The following LHFPL4 variants were observed in gnomAD, a reference collection of about 807,000 sequenced individuals.
The protein encoded by LHFPL4 is LHFPL tetraspan subfamily member 4, also known as LHFPL tetraspan subfamily member 4 protein.
A neutral mutation model predicts 20.0 loss-of-function variants in LHFPL4; 6 were observed. That is an observed-to-expected ratio of 0.30 (90% CI 0.16 to 0.59). LHFPL4 has a LOEUF of 0.59. Ranked by LOEUF, LHFPL4 falls within the 20% of genes least tolerant of loss-of-function variation. The pLI is 0.88. For missense variants in LHFPL4, 215 were observed against 331.2 expected (o/e 0.65, Z 2.72); for synonymous variants, 129 against 143.8 (o/e 0.90, Z 0.74).
chr3:9,518,925 G>GTTTA lies in LHFPL4; in HGVS notation c.407-12726_407-12723dup, dbSNP rs111239616. Among the ~76,000 whole-genome samples, 358 of 145,144 alleles carry GTTTA rather than the reference G, an allele frequency of 2.5e-3. 2 individuals are homozygous for GTTTA. The highest frequency in any genetic ancestry group is 6.4e-3 in the African/African-American group (254 of 39,646). ...TGCACCACCACATTGGCTAATTTTT[G>GTTTA]TTTATTTATTTATTTATTTATTTAT... On this transcript the variant is annotated intron_variant, in intron 2 of 3. Transcript: ENST00000287585.
At chr3:9,505,946 C>G (rs780741788) in intron 3 of LHFPL4, 21 bp downstream of exon 3, 2 of 1,609,540 alleles carry the variant, frequency 1.2e-6, no homozygotes, top group South Asian at 1.1e-5. Flanking sequence ...GCCGCTGCCC[C>G]CCAGCCCACA....
intron 2 of LHFPL4, among the ~76,000 whole-genome samples, chr3:9,540,089 C>T (rs2046468130): frequency 6.6e-6 from 1 of 152,102 alleles, no homozygotes; most frequent in Non-Finnish European, 1.5e-5. Context: ...CCAGCAATTC[C>T]CCTTCTAGGG....
At chr3:9,541,818 G>A (rs1352179574) in intron 2 of LHFPL4, among the ~76,000 whole-genome samples, 1 of 151,976 alleles carries the variant, frequency 6.6e-6, no homozygotes, top group Non-Finnish European at 1.5e-5. Context: ...GAGCCAAAAC[G>A]ACAAAACCTT....
chr3:9,552,681 G>A lies in LHFPL4; in HGVS notation c.-2C>T. On this transcript the variant is annotated 5_prime_UTR_variant, in exon 2 of 4. Coordinates refer to ENST00000287585, the MANE Select transcript of LHFPL4 (RefSeq NM_198560.3). The stretch of plus-strand genomic sequence containing the variant: ...GGAGGCCTCCTGCGAGGGCAGCATG[G>A]TGCCCGGAGGCGGGGCCGGCGGCGG... 1 of 1,418,134 alleles carries A rather than the reference G, an allele frequency of 7.1e-7. No homozygotes were observed. The highest frequency in any genetic ancestry group is 9.3e-7 in the Non-Finnish European group (1 of 1,077,878). 87.8% of individuals were successfully genotyped at this position (1,418,134 alleles called of 1,614,324 possible).
intron 2 of LHFPL4, among the ~76,000 whole-genome samples, chr3:9,513,062 C>T (rs560448941): frequency 5.9e-5 from 9 of 152,154 alleles, no homozygotes; most frequent in Admixed American, 2.0e-4. Flanking sequence ...TGGATTCACG[C>T]CATTCTCCTG....
At chr3:9,515,720 CT>C (rs373869436) in intron 2 of LHFPL4, among the ~76,000 whole-genome samples, 23,035 of 142,962 alleles carry the variant, frequency 0.16, 1,744 homozygotes, top group Non-Finnish European at 0.18. Context: ...TCAGATATGT[CT>C]TTTTTTTTTT....
At chr3:9,533,490 A>G (rs1218778536) in intron 2 of LHFPL4, among the ~76,000 whole-genome samples, 1 of 152,158 alleles carries the variant, frequency 6.6e-6, no homozygotes, top group Non-Finnish European at 1.5e-5. Context: ...AGTCTATAGG[A>G]TTAAAAGTCA....
chr3:9,516,675 T>A (rs1339944729), intron 2 of LHFPL4, among the ~76,000 whole-genome samples: 1 of 152,048 alleles, frequency 6.6e-6, no homozygotes, highest in Admixed American at 6.6e-5. Flanking sequence ...GGTTTCACCA[T>A]GTTGGCTAGG....
Position 9,552,790 on chromosome 3 carries a change from G to T in LHFPL4, c.-111C>A. The stretch of plus-strand genomic sequence containing the variant: ...GGGGACGCACGCGAGAAGCGGCCCT[G>T]AGTCAAGGAACCCGCGAGGGCGGGG... On this transcript the variant is annotated 5_prime_UTR_variant, in exon 2 of 4. Coordinates refer to ENST00000287585, the MANE Select transcript of LHFPL4 (RefSeq NM_198560.3). 1 of 571,896 alleles carries T rather than the reference G, an allele frequency of 1.7e-6. No homozygotes were observed. The highest frequency in any genetic ancestry group is 2.3e-6 in the Non-Finnish European group (1 of 439,070). 35.4% of individuals were successfully genotyped at this position (571,896 alleles called of 1,614,324 possible). A position where few individuals can be genotyped will look rare whatever the true frequency, so the allele number is the denominator to read the frequency against.
At chr3:9,520,929 T>C (rs1264181082) in intron 2 of LHFPL4, among the ~76,000 whole-genome samples, 2 of 152,110 alleles carry the variant, frequency 1.3e-5, no homozygotes, top group African/African-American at 2.4e-5. Flanking sequence ...TGCATTTAAT[T>C]AATGGTGGTG....
At chr3:9,528,629 T>G (rs2046389662) in intron 2 of LHFPL4, among the ~76,000 whole-genome samples, 1 of 152,178 alleles carries the variant, frequency 6.6e-6, no homozygotes, top group South Asian at 2.1e-4. Context: ...TTATTATTAT[T>G]TTTTGAGACG....
Position 9,506,255 on chromosome 3 carries a change from G to T in LHFPL4, c.407-52C>A, listed in dbSNP as rs745636944. On this transcript the variant is annotated intron_variant, in intron 2 of 3. Coordinates refer to ENST00000287585, the MANE Select transcript of LHFPL4 (RefSeq NM_198560.3). This position sits in a 1 kb window ranked among gnomAD's most constrained non-coding sequence, Gnocchi z 4.5. Reference sequence around the variant, plus strand: ...ACCACGGTCAGGAAGGAAGAGAAAAGACCATTACTCGCTAGTGTCCGCAGT... The same window carrying T: ...ACCACGGTCAGGAAGGAAGAGAAAATACCATTACTCGCTAGTGTCCGCAGT... 1 of 1,468,212 alleles carries T rather than the reference G, an allele frequency of 6.8e-7. No homozygotes were observed. The highest frequency in any genetic ancestry group is 1.7e-5 in the Admixed American group (1 of 59,626). 90.9% of individuals were successfully genotyped at this position (1,468,212 alleles called of 1,614,324 possible).
chr3:9,504,669 CA>C (rs1442744892), intron 3 of LHFPL4, among the ~76,000 whole-genome samples: 2 of 151,968 alleles, frequency 1.3e-5, no homozygotes, highest in Non-Finnish European at 2.9e-5. Flanking sequence ...ACTAAAAATA[CA>C]AAAACTTAGC....
At chr3:9,503,473 C>G (rs2046193670) in intron 3 of LHFPL4, among the ~76,000 whole-genome samples, 1 of 152,194 alleles carries the variant, frequency 6.6e-6, no homozygotes, top group South Asian at 2.1e-4. Context: ...GAACCTGCCT[C>G]TGAGTACAGG....
At chr3:9,509,977 T>A (rs1325207415) in intron 2 of LHFPL4, among the ~76,000 whole-genome samples, 4 of 152,228 alleles carry the variant, frequency 2.6e-5, no homozygotes, top group Non-Finnish European at 5.9e-5. Flanking sequence ...AAGACCCAGC[T>A]GCTGCTAGGC....
chr3:9,543,729 GTTTTT>G (rs58872967), intron 2 of LHFPL4, among the ~76,000 whole-genome samples: 1 of 119,652 alleles, frequency 8.4e-6, no homozygotes, highest in African/African-American at 3.2e-5. Flanking sequence ...TTTGGTTTTG[GTTTTT>G]TTTTTTTTTT....
intron 3 of LHFPL4, among the ~76,000 whole-genome samples, chr3:9,504,325 C>T (rs957804455): frequency 6.6e-6 from 1 of 151,568 alleles, no homozygotes; most frequent in African/African-American, 2.4e-5. Context: ...CTGCAGTGAG[C>T]CGAGACCGTG....
At chr3:9,542,591 G>C (rs567779282) in intron 2 of LHFPL4, among the ~76,000 whole-genome samples, 399 of 152,084 alleles carry the variant, frequency 2.6e-3, no homozygotes, top group Non-Finnish European at 3.9e-3. Context: ...AGGATTGCTT[G>C]AGTTCAAGAG....
At chr3:9,536,918 CAA>C (rs34655189) in intron 2 of LHFPL4, among the ~76,000 whole-genome samples, 210 of 98,972 alleles carry the variant, frequency 2.1e-3, no homozygotes, top group African/African-American at 6.6e-3. Context: ...GACTCTGTCT[CAA>C]AAAAAAAAAA....
Sources: gnomAD v4.1 joint callset for allele counts (sites outside exome capture counted in the v4.1 genomes callset) on GRCh38, gnomAD v4.1.1 for gene constraint, Gnocchi (gnomAD v3.1) non-coding constraint, MANE v1.5 for transcripts, NCBI Gene and HGNC (gene_info 2026-07-23, HGNC 2026-07-21) for gene names.